The following STARD13 variants were observed in gnomAD, a reference collection of about 807,000 sequenced individuals.
STARD13 encodes stAR-related lipid transfer protein 13.
STARD13 carries 62 observed loss-of-function variants against 106.4 expected under a neutral mutation model. The ratio of observed to expected loss-of-function variants is 0.58; its 90% confidence interval spans 0.48 to 0.72. The LOEUF is 0.72. Among genes scored for constraint, STARD13 ranks in the 30% least tolerant of loss-of-function variants. The pLI is 0.00. For synonymous variants in STARD13, 565 were observed against 553.0 expected (o/e 1.02, Z -0.31); for missense variants, 1,387 against 1,424.0 (o/e 0.97, Z 0.42).
intron 3 of STARD13, among the ~76,000 whole-genome samples, chr13:33,159,159 G>A (rs1882332982): frequency 6.6e-6 from 1 of 152,196 alleles, no homozygotes; most frequent in Admixed American, 6.5e-5. Flanking sequence ...ATGTGGTAAT[G>A]CCTTTGGGGG....
the STARD13 span, among the ~76,000 whole-genome samples, chr13:33,673,217 C>T: frequency 1.3e-5 from 2 of 152,140 alleles, no homozygotes; most frequent in African/African-American, 4.8e-5. Context: ...TTCTTATGTT[C>T]TTATTTTCTT....
chr13:33,182,730 T>A (rs1885363854), intron 1 of STARD13, among the ~76,000 whole-genome samples: 1 of 152,260 alleles, frequency 6.6e-6, no homozygotes, highest in African/African-American at 2.4e-5. Flanking sequence ...ACTCTCATTT[T>A]GTCTAAACCA....
chr13:33,451,476 G>A, the STARD13 span, among the ~76,000 whole-genome samples: 2 of 152,158 alleles, frequency 1.3e-5, no homozygotes, highest in Admixed American at 6.5e-5. Context: ...CAGAAAGGGT[G>A]TCTTGGATGG....
chr13:33,171,081 A>G (rs4941741), intron 1 of STARD13, among the ~76,000 whole-genome samples: 45 of 152,358 alleles, frequency 3.0e-4, no homozygotes, highest in Admixed American at 8.5e-4. Flanking sequence ...TGAGATTTAA[A>G]TGACATTTGA....
At chr13:33,221,576 C>T (rs76982547) in intron 1 of STARD13, among the ~76,000 whole-genome samples, 6,737 of 152,226 alleles carry the variant, frequency 0.044, 196 homozygotes, top group African/African-American at 0.07. Context: ...TTCCTCTGTT[C>T]GGCCAACTCA....
In STARD13 at chr13:33,104,486, A is replaced by T. The variant is rs1804327711; in HGVS notation, c.*1107T>A. 1.3e-5 allele frequency: 2 copies of T among 152,636 alleles called. No homozygotes were observed. Among genetic ancestry groups the T allele is most frequent in the African/African-American group, 4.8e-5 (2 of 41,448 alleles). 9.5% of individuals were successfully genotyped at this position (152,636 alleles called of 1,614,324 possible). A position where few individuals can be genotyped will look rare whatever the true frequency, so the allele number is the denominator to read the frequency against. ...TACATTTTAAGAGTATCCTACACAT[A>T]ACAAAATATGAATTCCCTGAAGCTG... On this transcript the variant is annotated 3_prime_UTR_variant, in exon 14 of 14. Transcript: ENST00000336934.
At chr13:33,111,644 C>T in intron 10 of STARD13, 134 bp downstream of exon 10, 1 of 603,674 alleles carries the variant, frequency 1.7e-6, no homozygotes, top group Non-Finnish European at 2.9e-6. Flanking sequence ...AAGCAAACAC[C>T]AGAGCTATAA....
intron 1 of STARD13, among the ~76,000 whole-genome samples, chr13:33,189,520 C>T (rs371628064): frequency 1.1e-3 from 172 of 151,060 alleles, no homozygotes; most frequent in Non-Finnish European, 2.0e-3. Flanking sequence ...TCAGTCCTTC[C>T]GATGGCACTT....
chr13:33,564,163 G>A, the STARD13 span, among the ~76,000 whole-genome samples: 2 of 136,726 alleles, frequency 1.5e-5, 1 homozygote, highest in Non-Finnish European at 3.1e-5. Context: ...AGCAGAGACC[G>A]TGCCATTGCA....
the STARD13 span, among the ~76,000 whole-genome samples, chr13:33,650,347 C>T: frequency 6.7e-3 from 1,002 of 150,000 alleles, 15 homozygotes; most frequent in Admixed American, 0.037. Context: ...CCCGCCACTA[C>T]GCCCGGCTAA....
chr13:33,607,407 C>T, the STARD13 span, among the ~76,000 whole-genome samples: 1 of 151,814 alleles, frequency 6.6e-6, no homozygotes, highest in East Asian at 1.9e-4. Context: ...AAATGATTCT[C>T]CTGCCTCAGC....
At chr13:33,110,992 A>C in intron 10 of STARD13, 85 bp from the exon 11 acceptor site, 1 of 1,267,142 alleles carries the variant, frequency 7.9e-7, no homozygotes, top group Non-Finnish European at 1.1e-6. Context: ...TTCACCCACA[A>C]CCCGGCTCTG....
At chr13:33,538,424 C>T in the STARD13 span, among the ~76,000 whole-genome samples, 2 of 152,120 alleles carry the variant, frequency 1.3e-5, no homozygotes, top group Admixed American at 1.3e-4. Flanking sequence ...CCTAACACCT[C>T]GGCTTTTAGC....
At chr13:33,216,160 T>C (rs1888028922) in intron 1 of STARD13, among the ~76,000 whole-genome samples, 1 of 152,212 alleles carries the variant, frequency 6.6e-6, no homozygotes, top group Non-Finnish European at 1.5e-5. Flanking sequence ...GTGTGGAGAT[T>C]CTTTAAAGAA....
the STARD13 span, among the ~76,000 whole-genome samples, chr13:33,650,127 C>CCTATTTG: frequency 7.6e-6 from 1 of 132,290 alleles, no homozygotes; most frequent in Non-Finnish European, 1.6e-5. Context: ...GGCGGTGGAG[C>CCTATTTG]CTATTTGGTC....
At chr13:33,630,404 T>C in the STARD13 span, among the ~76,000 whole-genome samples, 1 of 152,194 alleles carries the variant, frequency 6.6e-6, no homozygotes, top group East Asian at 1.9e-4. Context: ...AGCTTTTCTT[T>C]AAGCCTAGGA....
the STARD13 span, among the ~76,000 whole-genome samples, chr13:33,615,489 TGGA>T: frequency 6.6e-6 from 1 of 152,244 alleles, no homozygotes; most frequent in Non-Finnish European, 1.5e-5. Flanking sequence ...TTTCCATTGT[TGGA>T]GAAGTGCTTC....
chr13:33,415,472 T>C, the STARD13 span, among the ~76,000 whole-genome samples: 1 of 152,222 alleles, frequency 6.6e-6, no homozygotes, highest in South Asian at 2.1e-4. Context: ...TATATCTTTA[T>C]ATTGTTTTAC....
downstream of STARD13, among the ~76,000 whole-genome samples, chr13:33,347,835 T>C (rs1177245279): frequency 6.6e-6 from 1 of 152,218 alleles, no homozygotes; most frequent in African/African-American, 2.4e-5. Flanking sequence ...ATTCTGGTAC[T>C]GTGAACTGAA....
Sources: gnomAD v4.1 joint callset for allele counts (sites outside exome capture counted in the v4.1 genomes callset) on GRCh38, gnomAD v4.1.1 for gene constraint, MANE v1.5 for transcripts, NCBI Gene and HGNC (gene_info 2026-07-23, HGNC 2026-07-21) for gene names.